The following APOBEC1 variants were observed in gnomAD, a reference collection of about 807,000 sequenced individuals.
APOBEC1 encodes apolipoprotein B mRNA editing enzyme catalytic subunit 1, also known as C->U-editing enzyme APOBEC-1.
A neutral mutation model predicts 26.3 loss-of-function variants in APOBEC1; 22 were observed. That is an observed-to-expected ratio of 0.84 (90% CI 0.60 to 1.19). The LOEUF (loss-of-function observed/expected upper bound fraction) is 1.19. APOBEC1 is among the 50% of genes most tolerant of loss of function. The pLI is 0.00. For synonymous variants in APOBEC1, 77 were observed against 95.3 expected (o/e 0.81, Z 1.12); for missense variants, 253 against 289.0 (o/e 0.88, Z 0.90).
In APOBEC1 at chr12:7,651,077, T is replaced by C. The variant is rs1347274336; in HGVS notation, c.507A>G (p.Gln169=). The C allele has an allele frequency of 6.2e-7, 1 of 1,614,148 alleles. No individual in the cohort carries two copies. ...YPPGDEAHWP[Q]YPPLWMMLYA... ...ACAACATCATCCACAGAGGTGGGTA[T>C]TGTGGCCAGTGAGCTTCATCCCCAG... The change falls in exon 4 of 5, where the codon CAA becomes CAG. Residue 169 remains glutamine, a synonymous_variant. Transcript: ENST00000229304.
upstream of APOBEC1, among the ~76,000 whole-genome samples, chr12:7,669,196 T>C (rs1479216099): frequency 7.4e-6 from 1 of 135,718 alleles, no homozygotes; most frequent in Admixed American, 7.2e-5. Context: ...CAGCTTTTCC[T>C]TTTTTTTTTT....
intron 3 of APOBEC1, among the ~76,000 whole-genome samples, chr12:7,651,573 CT>C (rs1863640901): frequency 6.7e-6 from 1 of 148,690 alleles, no homozygotes; most frequent in Non-Finnish European, 1.5e-5. Context: ...GATTGCACCA[CT>C]GCACTCCAGC....
intron 2 of APOBEC1, 51 bp downstream of exon 2, chr12:7,654,554 C>T: frequency 1.3e-6 from 2 of 1,581,340 alleles, no homozygotes; most frequent in Non-Finnish European, 1.7e-6. Context: ...TCTTAAATAC[C>T]CATTGATTCT....
chr12:7,665,752 G>GACACACACACACACACACAC (rs60124402), intron 1 of APOBEC1, 105 bp downstream of exon 1: 23 of 775,704 alleles, frequency 3.0e-5, no homozygotes, highest in South Asian at 3.6e-5. Context: ...GAATCAGCAG[G>GACACACACACACACACACAC]ACACACACAC....
intron 1 of APOBEC1, among the ~76,000 whole-genome samples, chr12:7,661,438 AAG>A (rs1213270666): frequency 2.6e-5 from 4 of 152,124 alleles, no homozygotes; most frequent in Non-Finnish European, 5.9e-5. Flanking sequence ...AAAAATAAGA[AAG>A]AGTATTTGGT....
intron 3 of APOBEC1, 40 bp from the exon 4 acceptor site, chr12:7,651,181 T>A: frequency 3.5e-6 from 5 of 1,411,018 alleles, no homozygotes; most frequent in Non-Finnish European, 5.0e-6. Flanking sequence ...ACAAGCACAA[T>A]GGTAAATTAC....
At chr12:7,650,602 A>G (rs1044612679) in intron 4 of APOBEC1, among the ~76,000 whole-genome samples, 2 of 151,962 alleles carry the variant, frequency 1.3e-5, no homozygotes, top group African/African-American at 4.8e-5. Flanking sequence ...TTTGATACAT[A>G]ATTTTCTTTT....
intron 1 of APOBEC1, among the ~76,000 whole-genome samples, chr12:7,663,286 G>A (rs1404194250): frequency 1.3e-5 from 2 of 152,264 alleles, no homozygotes; most frequent in East Asian, 3.9e-4. Context: ...TTGTAGAAAG[G>A]ACTTGGGCAT....
chr12:7,661,487 TGATAGATAGATAGATA>T (rs60705558), intron 1 of APOBEC1, among the ~76,000 whole-genome samples: 20,022 of 150,964 alleles, frequency 0.13, 1,400 homozygotes, highest in Middle Eastern at 0.15. Context: ...TGATGACAGA[TGATAGATAGATAGATA>T]GATAGATAGA....
chr12:7,660,367 G>GAAAGAAAAAGAAAGAAAGAAAGAAA (rs1565442341), intron 1 of APOBEC1, among the ~76,000 whole-genome samples: 3 of 16,806 alleles, frequency 1.8e-4, no homozygotes, highest in African/African-American at 6.3e-4. Context: ...AAGGAAGGAA[G>GAAAGAAAAAGAAAGAAAGAAAGAAA]GAAGGAAGGA....
chr12:7,657,454 G>A (rs182926239), intron 1 of APOBEC1, among the ~76,000 whole-genome samples: 15 of 152,230 alleles, frequency 9.9e-5, no homozygotes, highest in Admixed American at 6.5e-4. Flanking sequence ...GCTTTCTACG[G>A]TAGGCCCAGG....
At chr12:7,662,304 G>A (rs377532686) in intron 1 of APOBEC1, among the ~76,000 whole-genome samples, 128 of 151,784 alleles carry the variant, frequency 8.4e-4, no homozygotes, top group Non-Finnish European at 1.3e-3. Flanking sequence ...AAAGACGGCC[G>A]GGTACGGTGG....
At chr12:7,656,798 C>T (rs1330677575) in intron 1 of APOBEC1, among the ~76,000 whole-genome samples, 2 of 152,146 alleles carry the variant, frequency 1.3e-5, no homozygotes, top group Non-Finnish European at 2.9e-5. Flanking sequence ...GCTTCATAAA[C>T]GTTAAGCACT....
In APOBEC1 at chr12:7,659,294, C is replaced by CAA. The variant is rs1163730869; in HGVS notation, c.17-4664_17-4663dup. On this transcript the variant is annotated intron_variant, in intron 1 of 4. Transcript: ENST00000229304. ...GGGCAACAAGAGTGAAACTCCCTCTCAAAAAAAAAAAAAAAAAAAAAAAAA... is the reference window on the plus strand; with the variant it reads ...GGGCAACAAGAGTGAAACTCCCTCTCAAAAAAAAAAAAAAAAAAAAAAAAAAA... 2.7e-3 allele frequency among the ~76,000 whole-genome samples: 44 copies of CAA among 16,542 alleles called. 3 individuals are homozygous for CAA. Among genetic ancestry groups the CAA allele is most frequent in the South Asian group, 4.9e-3 (1 of 206 alleles). The allele number at this position is 16,542 out of a possible 152,430, so 10.9% of individuals were successfully genotyped here.
chr12:7,661,045 A>AG (rs1371434009), intron 1 of APOBEC1, among the ~76,000 whole-genome samples: 1 of 150,906 alleles, frequency 6.6e-6, no homozygotes, highest in Non-Finnish European at 1.5e-5. Flanking sequence ...TACAAAAAAA[A>AG]AAAAAAAAAA....
upstream of APOBEC1, among the ~76,000 whole-genome samples, chr12:7,670,260 C>A (rs1025901979): frequency 2.2e-5 from 3 of 138,488 alleles, no homozygotes; most frequent in Non-Finnish European, 4.7e-5. Context: ...CTGGGATTAC[C>A]AGGTGTGAGC....
intron 1 of APOBEC1, among the ~76,000 whole-genome samples, chr12:7,656,357 T>C (rs1863715571): frequency 6.6e-6 from 1 of 152,086 alleles, no homozygotes; most frequent in Non-Finnish European, 1.5e-5. Context: ...GGGTGCAGTG[T>C]GAGTGGCCCC....
intron 1 of APOBEC1, among the ~76,000 whole-genome samples, chr12:7,662,142 G>A (rs1266698197): frequency 1.3e-5 from 2 of 152,168 alleles, no homozygotes; most frequent in East Asian, 1.9e-4. Flanking sequence ...GTGTGCACCA[G>A]TAGTCCCCAC....
At chr12:7,657,831 A>T (rs1863737471) in intron 1 of APOBEC1, among the ~76,000 whole-genome samples, 1 of 152,122 alleles carries the variant, frequency 6.6e-6, no homozygotes, top group African/African-American at 2.4e-5. Flanking sequence ...AGCCATGAGC[A>T]TGCCACTGCA....
Sources: gnomAD v4.1 joint callset for allele counts (sites outside exome capture counted in the v4.1 genomes callset) on GRCh38, gnomAD v4.1.1 for gene constraint, MANE v1.5 for transcripts, NCBI Gene and HGNC (gene_info 2026-07-23, HGNC 2026-07-21) for gene names.